Variants in ZFAND3 observed in about 807,000 individuals in gnomAD.
ZFAND3 encodes zinc finger AN1-type containing 3, also known as AN1-type zinc finger protein 3.
ZFAND3 carries 10 observed loss-of-function variants against 29.6 expected under a neutral mutation model. The ratio of observed to expected loss-of-function variants is 0.34; its 90% CI spans 0.21 to 0.57. ZFAND3 has a LOEUF of 0.57. Among genes scored for constraint, ZFAND3 ranks in the 20% least tolerant of loss-of-function variants. ZFAND3 has a pLI of 0.86. For missense variants in ZFAND3, 230 were observed against 304.5 expected (o/e 0.76, Z 1.82); for synonymous variants, 128 against 112.6 (o/e 1.14, Z -0.87).
intron 1 of ZFAND3, among the ~76,000 whole-genome samples, chr6:37,849,978 T>C (rs956870342): frequency 6.6e-6 from 1 of 152,208 alleles, no homozygotes; most frequent in Non-Finnish European, 1.5e-5. Context: ...TCCTTGCTGC[T>C]GCCACCACTG....
chr6:38,130,191 A>G (rs958614250), intron 5 of ZFAND3, among the ~76,000 whole-genome samples: 7 of 152,204 alleles, frequency 4.6e-5, no homozygotes, highest in Admixed American at 3.3e-4. Flanking sequence ...TTATTTAATC[A>G]GTTCTAGGAG....
At chr6:37,878,111 C>T (rs562288966) in intron 1 of ZFAND3, among the ~76,000 whole-genome samples, 1 of 152,092 alleles carries the variant, frequency 6.6e-6, no homozygotes, top group Non-Finnish European at 1.5e-5. Context: ...TGTGGGAACT[C>T]GTACAAATGT....
chr6:37,933,134 A>C (rs960092571), intron 2 of ZFAND3, among the ~76,000 whole-genome samples: 1 of 152,256 alleles, frequency 6.6e-6, no homozygotes, highest in African/African-American at 2.4e-5. Flanking sequence ...AGCCACTGTG[A>C]TCTTAAAAGA....
intron 2 of ZFAND3, among the ~76,000 whole-genome samples, chr6:37,937,508 A>G (rs1277184104): frequency 6.6e-6 from 1 of 152,052 alleles, no homozygotes; most frequent in African/African-American, 2.4e-5. Context: ...TACAAAAATT[A>G]GCTGGGCCTG....
At chr6:38,065,004 G>T (rs1162484708) in intron 3 of ZFAND3, among the ~76,000 whole-genome samples, 3 of 152,158 alleles carry the variant, frequency 2.0e-5, no homozygotes, top group Admixed American at 2.0e-4. Flanking sequence ...GTTAAGTGAG[G>T]TTGCCAAGAG....
intron 1 of ZFAND3, among the ~76,000 whole-genome samples, chr6:37,917,410 A>AT (rs1392400299): frequency 5.9e-5 from 9 of 152,254 alleles, no homozygotes; most frequent in African/African-American, 2.2e-4. Flanking sequence ...TGAAGACAGA[A>AT]TTATAAAGTT....
intron 1 of ZFAND3, among the ~76,000 whole-genome samples, chr6:37,922,492 T>C (rs1761401912): frequency 6.6e-6 from 1 of 152,238 alleles, no homozygotes; most frequent in South Asian, 2.1e-4. Context: ...TTATGAAATT[T>C]TTGTATATAC....
At chr6:38,132,897 C>T (rs910782717) in intron 5 of ZFAND3, among the ~76,000 whole-genome samples, 1 of 152,230 alleles carries the variant, frequency 6.6e-6, no homozygotes, top group Non-Finnish European at 1.5e-5. Context: ...GTCACAAATC[C>T]TCTTCTTCAA....
intron 5 of ZFAND3, among the ~76,000 whole-genome samples, chr6:38,118,908 G>C (rs1765473403): frequency 6.6e-6 from 1 of 152,142 alleles, no homozygotes; most frequent in Non-Finnish European, 1.5e-5. Context: ...AATGCATATT[G>C]GGTTTGCTTC....
At chr6:37,851,139 A>AT (rs745916861) in intron 1 of ZFAND3, among the ~76,000 whole-genome samples, 31 of 145,442 alleles carry the variant, frequency 2.1e-4, no homozygotes, top group Non-Finnish European at 3.3e-4. Context: ...TGCCTGACTA[A>AT]TTTTATCGTT....
intron 2 of ZFAND3, among the ~76,000 whole-genome samples, chr6:37,966,080 T>A (rs1232745352): frequency 6.6e-6 from 1 of 152,144 alleles, no homozygotes; most frequent in Non-Finnish European, 1.5e-5. Flanking sequence ...ATAACTTTAA[T>A]GATCCTTTAC....
At chr6:38,046,674 T>C (rs956105170) in intron 2 of ZFAND3, among the ~76,000 whole-genome samples, 3 of 152,220 alleles carry the variant, frequency 2.0e-5, no homozygotes, top group Non-Finnish European at 4.4e-5. Context: ...GCCTGACTCG[T>C]AATCAGTAAA....
intron 1 of ZFAND3, among the ~76,000 whole-genome samples, chr6:37,894,282 C>T (rs1765156683): frequency 6.6e-6 from 1 of 151,980 alleles, no homozygotes; most frequent in Admixed American, 6.6e-5. Context: ...TAAGGAGATA[C>T]GAATAATTAG....
intron 2 of ZFAND3, among the ~76,000 whole-genome samples, chr6:38,047,930 G>T (rs1469677453): frequency 6.6e-6 from 1 of 150,896 alleles, no homozygotes; most frequent in Non-Finnish European, 1.5e-5. Flanking sequence ...AGAACCGTAG[G>T]TTAAGAAGAT....
At chr6:37,868,966 A>C (rs1764641054) in intron 1 of ZFAND3, among the ~76,000 whole-genome samples, 1 of 152,174 alleles carries the variant, frequency 6.6e-6, no homozygotes, top group African/African-American at 2.4e-5. Flanking sequence ...GTTTGTGTGA[A>C]TATTCGCATT....
At chr6:37,832,253 G>A (rs116380328) in intron 1 of ZFAND3, among the ~76,000 whole-genome samples, 14 of 152,314 alleles carry the variant, frequency 9.2e-5, no homozygotes, top group African/African-American at 3.4e-4. Context: ...TTTAAGAGCA[G>A]CGACAGATTG....
intron 1 of ZFAND3, among the ~76,000 whole-genome samples, chr6:37,875,536 A>G (rs1199294701): frequency 6.6e-6 from 1 of 152,156 alleles, no homozygotes; most frequent in Non-Finnish European, 1.5e-5. Flanking sequence ...TGTTTAAAAT[A>G]AAGATAAATC....
chr6:38,040,004 T>C (rs986675523), intron 2 of ZFAND3, among the ~76,000 whole-genome samples: 6 of 152,100 alleles, frequency 3.9e-5, no homozygotes, highest in Non-Finnish European at 7.4e-5. Flanking sequence ...CTTAAACTTA[T>C]GCATCTCTTG....
At chr6:38,006,126 C>T (rs1763044496) in intron 2 of ZFAND3, among the ~76,000 whole-genome samples, 1 of 152,170 alleles carries the variant, frequency 6.6e-6, no homozygotes, top group East Asian at 1.9e-4. Flanking sequence ...ACAGCTTCTG[C>T]ATGTATCATG....
Sources: allele counts gnomAD v4.1 joint callset (sites outside exome capture counted in the v4.1 genomes callset), GRCh38; gene constraint gnomAD v4.1.1; transcripts MANE v1.5; gene names NCBI Gene and HGNC (gene_info 2026-07-23, HGNC 2026-07-21).